The following CSMD1 variants were observed in gnomAD, a reference collection of about 807,000 sequenced individuals.
CSMD1 encodes CUB and Sushi multiple domains 1.
Under a neutral mutation model 417.5 loss-of-function variants are expected in CSMD1, and 213 were observed. The ratio of observed to expected loss-of-function variants is 0.51; its 90% CI spans 0.46 to 0.57. The LOEUF is 0.57. Among genes scored for constraint, CSMD1 ranks in the 20% least tolerant of loss-of-function variants. CSMD1 has a pLI of 0.00. For missense variants in CSMD1, 6,923 were observed against 4,529.7 expected (o/e 1.53, Z -15.17); for synonymous variants, 2,862 against 1,736.8 (o/e 1.65, Z -16.11).
chr8:4,212,547 T>G (rs909268761), intron 3 of CSMD1, among the ~76,000 whole-genome samples: 2 of 152,102 alleles, frequency 1.3e-5, no homozygotes, highest in Non-Finnish European at 2.9e-5. Flanking sequence ...TGTAGCCTTT[T>G]TTTTTCTAAA....
intron 5 of CSMD1, among the ~76,000 whole-genome samples, chr8:3,866,733 A>G (rs1369196981): frequency 6.6e-6 from 1 of 152,102 alleles, no homozygotes; most frequent in Non-Finnish European, 1.5e-5. Context: ...CTACAAAGCC[A>G]CAGGGATTCT....
At chr8:4,019,981 T>C (rs945593344) in intron 4 of CSMD1, among the ~76,000 whole-genome samples, 7 of 151,996 alleles carry the variant, frequency 4.6e-5, no homozygotes, top group African/African-American at 1.5e-4. Context: ...CTTACATGAA[T>C]TTCTTTTCAA....
intron 26 of CSMD1, among the ~76,000 whole-genome samples, chr8:3,277,133 G>A (rs1055624267): frequency 2.0e-5 from 3 of 152,112 alleles, no homozygotes; most frequent in African/African-American, 7.2e-5. Context: ...CTGAGTAGAG[G>A]TTTCTGTAGG....
intron 2 of CSMD1, among the ~76,000 whole-genome samples, chr8:4,463,463 T>C (rs1020125035): frequency 2.0e-5 from 3 of 152,150 alleles, no homozygotes; most frequent in African/African-American, 7.2e-5. Context: ...TGTATGCAAA[T>C]GGTTATAGCA....
intron 7 of CSMD1, among the ~76,000 whole-genome samples, chr8:3,706,678 G>A (rs141650658): frequency 1.0e-3 from 156 of 152,242 alleles, no homozygotes; most frequent in East Asian, 9.5e-3. Context: ...TATCCAACCT[G>A]ATATTGATTT....
intron 3 of CSMD1, among the ~76,000 whole-genome samples, chr8:4,175,515 G>A (rs765704298): frequency 6.6e-6 from 1 of 151,456 alleles, no homozygotes. Flanking sequence ...AAAGACAACT[G>A]ATAGAAGCCC....
At position 4,468,317 on chromosome 8, in the gene CSMD1, T is replaced by C. The variant is rs538517042; in HGVS notation, c.303-48252A>G. On this transcript the variant is annotated intron_variant, in intron 2 of 69. Coordinates refer to ENST00000635120, the MANE Select transcript of CSMD1 (RefSeq NM_033225.6). ...AAAGTGTTGATCTTCTGTTATTGACTGGGCGATAGGCCTTTTTAAAGGTGT... is the reference window on the plus strand; with the variant it reads ...AAAGTGTTGATCTTCTGTTATTGACCGGGCGATAGGCCTTTTTAAAGGTGT... Among the ~76,000 whole-genome samples the C allele has an allele frequency of 4.1e-5, 6 of 147,742 alleles. No individual in the cohort carries two copies. The South Asian group carries it at 1.1e-3, about 28-fold the overall frequency.
At chr8:4,740,812 C>G (rs1810555838) in intron 1 of CSMD1, among the ~76,000 whole-genome samples, 1 of 152,128 alleles carries the variant, frequency 6.6e-6, no homozygotes. Context: ...ATAGGATATC[C>G]TACTGAAGTT....
At chr8:3,086,056 C>G (rs1563323283) in intron 49 of CSMD1, among the ~76,000 whole-genome samples, 1 of 152,114 alleles carries the variant, frequency 6.6e-6, no homozygotes, top group Non-Finnish European at 1.5e-5. Flanking sequence ...GGGGCACAGA[C>G]CATGGCGTGT....
chr8:4,562,655 A>T (rs1798398668), intron 2 of CSMD1, among the ~76,000 whole-genome samples: 1 of 152,168 alleles, frequency 6.6e-6, no homozygotes, highest in African/African-American at 2.4e-5. Context: ...TTCTATGGAG[A>T]TCCAACTCAA....
chr8:3,893,542 C>G (rs1217718033), intron 5 of CSMD1, among the ~76,000 whole-genome samples: 1 of 151,394 alleles, frequency 6.6e-6, no homozygotes, highest in Non-Finnish European at 1.5e-5. Context: ...TATTATGAAA[C>G]CAAAGGCAAA....
At chr8:4,777,058 G>A (rs1476422989) in intron 1 of CSMD1, among the ~76,000 whole-genome samples, 4 of 152,130 alleles carry the variant, frequency 2.6e-5, no homozygotes, top group Admixed American at 6.6e-5. Context: ...ACTCCAGCCT[G>A]TATCCTACTG....
At chr8:4,028,839 C>T (rs1387634463) in intron 4 of CSMD1, among the ~76,000 whole-genome samples, 1 of 152,176 alleles carries the variant, frequency 6.6e-6, no homozygotes, top group East Asian at 1.9e-4. Flanking sequence ...GTTAGGTATG[C>T]TTTTAATTTT....
chr8:3,676,079 C>A (rs1585058086), intron 7 of CSMD1, among the ~76,000 whole-genome samples: 1 of 152,170 alleles, frequency 6.6e-6, no homozygotes, highest in Non-Finnish European at 1.5e-5. Context: ...ACCTGTATCT[C>A]TTAATTAAAT....
At chr8:4,700,855 T>C (rs568338276) in intron 1 of CSMD1, among the ~76,000 whole-genome samples, 1 of 152,092 alleles carries the variant, frequency 6.6e-6, no homozygotes, top group Non-Finnish European at 1.5e-5. Context: ...GAAGAAAGGA[T>C]GAAGAACAAT....
intron 3 of CSMD1, among the ~76,000 whole-genome samples, chr8:4,128,256 C>T (rs374039099): frequency 1.3e-5 from 2 of 152,040 alleles, no homozygotes; most frequent in South Asian, 2.1e-4. Context: ...GGTGCAATCC[C>T]GTGGAGGAAT....
intron 20 of CSMD1, among the ~76,000 whole-genome samples, 177 bp from the exon 21 acceptor site, chr8:3,359,517 T>G (rs957338985): frequency 6.6e-6 from 1 of 150,956 alleles, no homozygotes; most frequent in Non-Finnish European, 1.5e-5. Context: ...AACTGTCTTA[T>G]GACAAATGAC....
intron 7 of CSMD1, among the ~76,000 whole-genome samples, chr8:3,694,066 G>A (rs1334254236): frequency 5.3e-5 from 8 of 151,238 alleles, no homozygotes; most frequent in South Asian, 2.1e-4. Context: ...GTGTGTGTGT[G>A]TTGTGTGTGT....
chr8:3,911,881 C>G (rs1284060216), intron 5 of CSMD1, among the ~76,000 whole-genome samples: 1 of 152,198 alleles, frequency 6.6e-6, no homozygotes, highest in Non-Finnish European at 1.5e-5. Flanking sequence ...CATCTTCTTA[C>G]CTCCGTTATC....
Sources: gnomAD v4.1 joint callset for allele counts (sites outside exome capture counted in the v4.1 genomes callset) on GRCh38, gnomAD v4.1.1 for gene constraint, MANE v1.5 for transcripts, NCBI Gene and HGNC (gene_info 2026-07-23, HGNC 2026-07-21) for gene names.